The following EYA1 variants were observed in gnomAD, a reference collection of about 807,000 sequenced individuals.
EYA1 encodes EYA transcriptional coactivator and phosphatase 1.
Under a neutral mutation model 82.0 loss-of-function variants are expected in EYA1, and 16 were observed. The ratio of observed to expected loss-of-function variants is 0.20; its 90% CI spans 0.13 to 0.30. EYA1 has a LOEUF of 0.30. Ranked by LOEUF, EYA1 falls within the 10% of genes least tolerant of loss-of-function variation. The pLI, the probability that EYA1 is intolerant of heterozygous loss-of-function variation, is 1.00. For synonymous variants in EYA1, 261 were observed against 264.4 expected, an observed-to-expected ratio of 0.99 and a Z score of 0.12; for missense variants, 633 against 730.7, an observed-to-expected ratio of 0.87 and a Z score of 1.54.
At chr8:71,459,241 T>C (rs956520067) in intron 2 of EYA1, among the ~76,000 whole-genome samples, 1 of 152,356 alleles carries the variant, frequency 6.6e-6, no homozygotes, top group South Asian at 2.1e-4. Context: ...CTCAAAAATC[T>C]TGTAGAAGTT....
intron 1 of EYA1, among the ~76,000 whole-genome samples, chr8:71,541,632 A>G (rs1815144166): frequency 6.6e-6 from 1 of 152,228 alleles, no homozygotes; most frequent in South Asian, 2.1e-4. Context: ...GTGACAATTG[A>G]TTATGATTGA....
At chr8:71,445,011 A>G (rs1261188624) in intron 2 of EYA1, among the ~76,000 whole-genome samples, 1 of 152,236 alleles carries the variant, frequency 6.6e-6, no homozygotes, top group Non-Finnish European at 1.5e-5. Context: ...ACCCTATCAA[A>G]AAACTCTCTG....
At chr8:71,402,275 T>G (rs2129128262) in intron 2 of EYA1, among the ~76,000 whole-genome samples, 1 of 152,202 alleles carries the variant, frequency 6.6e-6, no homozygotes. Context: ...TTCTCTCAGA[T>G]TCAAAAAGAC....
intron 2 of EYA1, among the ~76,000 whole-genome samples, chr8:71,481,296 G>A (rs954158191): frequency 2.0e-5 from 3 of 152,108 alleles, no homozygotes; most frequent in Admixed American, 6.6e-5. Flanking sequence ...TGCATGAGTA[G>A]CATTTTTTAT....
chr8:71,249,419 T>C (rs1813484788), intron 11 of EYA1, among the ~76,000 whole-genome samples: 1 of 152,084 alleles, frequency 6.6e-6, no homozygotes, highest in Non-Finnish European at 1.5e-5. Context: ...CTTCTTCACA[T>C]GGTGGCAGCA....
chr8:71,427,796 G>T (rs1352949811), intron 2 of EYA1, among the ~76,000 whole-genome samples: 1 of 152,086 alleles, frequency 6.6e-6, no homozygotes, highest in East Asian at 1.9e-4. Flanking sequence ...GAAGTGGGAG[G>T]ATTGCTTGAG....
chr8:71,349,838 G>A (rs1826129065), intron 3 of EYA1, among the ~76,000 whole-genome samples: 3 of 152,042 alleles, frequency 2.0e-5, no homozygotes. Context: ...GATTAATAAA[G>A]CAAAACATAG....
At chr8:71,259,528 A>G (rs1251438550) in intron 11 of EYA1, among the ~76,000 whole-genome samples, 1 of 152,214 alleles carries the variant, frequency 6.6e-6, no homozygotes, top group South Asian at 2.1e-4. Context: ...GTTGAACTAA[A>G]ATGATCAGAA....
At chr8:71,297,393 T>C (rs1200401178) in intron 9 of EYA1, among the ~76,000 whole-genome samples, 1 of 151,948 alleles carries the variant, frequency 6.6e-6, no homozygotes, top group Non-Finnish European at 1.5e-5. Context: ...TCAACCTTAA[T>C]TTAAGAAACA....
intron 3 of EYA1, among the ~76,000 whole-genome samples, chr8:71,345,333 A>G (rs941565921): frequency 4.6e-5 from 7 of 152,192 alleles, no homozygotes; most frequent in Non-Finnish European, 8.8e-5. Context: ...GCACTTTACC[A>G]ACTCATCTAA....
chr8:71,261,253 T>C (rs1815069631), intron 11 of EYA1, among the ~76,000 whole-genome samples: 1 of 152,212 alleles, frequency 6.6e-6, no homozygotes, highest in African/African-American at 2.4e-5. Context: ...GTTCCATTAT[T>C]GTGTTTTCTC....
chr8:71,428,621 T>G (rs1267506468), intron 2 of EYA1, among the ~76,000 whole-genome samples: 1 of 152,208 alleles, frequency 6.6e-6, no homozygotes. Flanking sequence ...ACTGGCTGTC[T>G]AGTTACCTCA....
At chr8:71,323,145 A>G (rs752143949) in intron 4 of EYA1, among the ~76,000 whole-genome samples, 2 of 152,168 alleles carry the variant, frequency 1.3e-5, no homozygotes, top group Non-Finnish European at 2.9e-5. Context: ...CTACATATAT[A>G]TAAATCTACA....
At chr8:71,336,218 T>A (rs955401327) in intron 3 of EYA1, among the ~76,000 whole-genome samples, 1 of 152,164 alleles carries the variant, frequency 6.6e-6, no homozygotes, top group Non-Finnish European at 1.5e-5. Flanking sequence ...TAAGTGGGAC[T>A]TTCCAATAGT....
intron 9 of EYA1, among the ~76,000 whole-genome samples, chr8:71,275,705 C>T (rs541440221): frequency 1.3e-5 from 2 of 152,194 alleles, no homozygotes; most frequent in East Asian, 3.9e-4. Context: ...AATCTGAGTA[C>T]TTTAGATTAG....
chr8:71,248,012 A>G (rs1486103054), intron 11 of EYA1, among the ~76,000 whole-genome samples: 4 of 152,224 alleles, frequency 2.6e-5, no homozygotes, highest in African/African-American at 9.6e-5. Context: ...ATGACCATTG[A>G]AAGAATTACT....
chr8:71,249,059 T>C (rs1813439912), intron 11 of EYA1, among the ~76,000 whole-genome samples: 1 of 152,224 alleles, frequency 6.6e-6, no homozygotes, highest in Non-Finnish European at 1.5e-5. Context: ...AAAAATTATT[T>C]AGAGCTTTGC....
At chr8:71,422,174 T>A (rs1175910555) in intron 2 of EYA1, among the ~76,000 whole-genome samples, 1 of 152,216 alleles carries the variant, frequency 6.6e-6, no homozygotes, top group Admixed American at 6.5e-5. Flanking sequence ...ATCACTTTAC[T>A]TTTATGGGGA....
At chr8:71,263,935 T>C (rs919367094) in intron 11 of EYA1, among the ~76,000 whole-genome samples, 14 of 152,256 alleles carry the variant, frequency 9.2e-5, no homozygotes, top group African/African-American at 3.4e-4. Flanking sequence ...AAAATTCAAA[T>C]TTGGGAGCAT....
Sources: gnomAD v4.1 joint callset for allele counts (sites outside exome capture counted in the v4.1 genomes callset) on GRCh38, gnomAD v4.1.1 for gene constraint, MANE v1.5 for transcripts, NCBI Gene and HGNC (gene_info 2026-07-23, HGNC 2026-07-21) for gene names.